The following FARS2 variants were observed in gnomAD, a reference collection of about 807,000 sequenced individuals.
The protein encoded by FARS2 is phenylalanyl-tRNA synthetase 2, mitochondrial, also known as phenylalanine--tRNA ligase, mitochondrial.
In FARS2, 40 loss-of-function variants were observed where a neutral mutation model predicts 46.4. The ratio of observed to expected loss-of-function variants is 0.86; its 90% confidence interval spans 0.67 to 1.12. The LOEUF (loss-of-function observed/expected upper bound fraction) is 1.12. FARS2 is among the 50% of genes most tolerant of loss of function. The pLI, the probability that FARS2 is intolerant of heterozygous loss-of-function variation, is 0.00. For synonymous variants in FARS2, 234 were observed against 214.9 expected, an observed-to-expected ratio of 1.09 and a Z score of -0.78; for missense variants, 513 against 567.9, an observed-to-expected ratio of 0.90 and a Z score of 0.98.
At chr6:5,546,629 C>G (rs1030092728) in intron 5 of FARS2, among the ~76,000 whole-genome samples, 24 of 151,924 alleles carry the variant, frequency 1.6e-4, no homozygotes, top group African/African-American at 5.6e-4. Flanking sequence ...CCATTTGATC[C>G]TATGCCATAG....
intron 2 of FARS2, among the ~76,000 whole-genome samples, chr6:5,385,144 C>G (rs1760035025): frequency 6.6e-6 from 1 of 152,130 alleles, no homozygotes; most frequent in South Asian, 2.1e-4. Flanking sequence ...AAACACAAGT[C>G]TTCCCGAATG....
At chr6:5,376,839 A>G (rs905691722) in intron 2 of FARS2, among the ~76,000 whole-genome samples, 5 of 152,136 alleles carry the variant, frequency 3.3e-5, no homozygotes, top group Non-Finnish European at 7.4e-5. Flanking sequence ...CACAAACACA[A>G]TTTTTCTTTA....
chr6:5,384,165 C>T (rs1386556536), intron 2 of FARS2, among the ~76,000 whole-genome samples: 1 of 152,164 alleles, frequency 6.6e-6, no homozygotes, highest in East Asian at 1.9e-4. Context: ...AATTTGTGTG[C>T]AGCTTCCTTG....
At chr6:5,610,885 A>G (rs1775142336) in intron 5 of FARS2, among the ~76,000 whole-genome samples, 1 of 152,226 alleles carries the variant, frequency 6.6e-6, no homozygotes, top group African/African-American at 2.4e-5. Context: ...GATGGAGGCA[A>G]CGCTCTGTGT....
chr6:5,607,350 T>C (rs1294471175), intron 5 of FARS2, among the ~76,000 whole-genome samples: 2 of 150,962 alleles, frequency 1.3e-5, no homozygotes, highest in South Asian at 2.1e-4. Context: ...AGAAGAGAAA[T>C]ACAATTTACT....
chr6:5,405,480 C>CTTTTTTTTTTTTTTTTTTTTTTTTTTTTT, intron 3 of FARS2, among the ~76,000 whole-genome samples: 1 of 58,952 alleles, frequency 1.7e-5, no homozygotes, highest in Non-Finnish European at 3.1e-5. Context: ...GAGCAAGGTT[C>CTTTTTTTTTTTTTTTTTTTTTTTTTTTTT]TTTTTTTTTT....
intron 4 of FARS2, among the ~76,000 whole-genome samples, chr6:5,494,376 G>A (rs577352879): frequency 4.6e-5 from 7 of 152,286 alleles, no homozygotes; most frequent in South Asian, 4.1e-4. Context: ...TCCTGTAGCC[G>A]CAGGACTGGA....
intron 4 of FARS2, 86 bp from the exon 5 acceptor site, chr6:5,545,094 G>C: frequency 7.7e-7 from 1 of 1,305,714 alleles, no homozygotes; most frequent in Non-Finnish European, 1.1e-6. Context: ...CATCTAATTA[G>C]TGTCACTGAT....
chr6:5,737,856 A>G lies in FARS2; in HGVS notation c.1218-33435A>G, dbSNP rs112041895. On this transcript the variant is annotated intron_variant, in intron 6 of 6. Transcript: ENST00000274680. ...CATGAAGACCGTGGCTTGCTTCCTAAGGATGGTGGGACAGAAAGAAGAGCC... is the reference window on the plus strand; with the variant it reads ...CATGAAGACCGTGGCTTGCTTCCTAGGGATGGTGGGACAGAAAGAAGAGCC... 5.0e-3 allele frequency among the ~76,000 whole-genome samples: 756 copies of G among 152,314 alleles called. 4 individuals carry two copies. Among genetic ancestry groups the G allele is most frequent in the African/African-American group, 0.017 (704 of 41,572 alleles).
chr6:5,490,574 C>T (rs148317508), intron 4 of FARS2, among the ~76,000 whole-genome samples: 336 of 152,356 alleles, frequency 2.2e-3, no homozygotes, highest in African/African-American at 7.7e-3. Flanking sequence ...AATACAGTCT[C>T]TTCCCATATT....
At chr6:5,306,312 G>T (rs1181646956) in intron 1 of FARS2, among the ~76,000 whole-genome samples, 1 of 152,140 alleles carries the variant, frequency 6.6e-6, no homozygotes, top group Non-Finnish European at 1.5e-5. Context: ...AGTGAATGTC[G>T]AATGAAATGA....
At chr6:5,603,222 A>C (rs1204514726) in intron 5 of FARS2, among the ~76,000 whole-genome samples, 1 of 152,148 alleles carries the variant, frequency 6.6e-6, no homozygotes, top group Admixed American at 6.5e-5. Flanking sequence ...CAGCCTCCCA[A>C]GAAGCTGGGA....
chr6:5,262,692 A>G (rs1765271742), intron 1 of FARS2, among the ~76,000 whole-genome samples: 1 of 152,200 alleles, frequency 6.6e-6, no homozygotes, highest in Admixed American at 6.5e-5. Context: ...TCCTGATGCA[A>G]TGACATTTTT....
chr6:5,470,245 A>C (rs902672033), intron 4 of FARS2, among the ~76,000 whole-genome samples: 1 of 152,260 alleles, frequency 6.6e-6, no homozygotes, highest in Non-Finnish European at 1.5e-5. Flanking sequence ...CAAGTAAAAA[A>C]CAATACAGTA....
chr6:5,764,559 G>A lies in FARS2; in HGVS notation c.1218-6732G>A, dbSNP rs931288066. Among the ~76,000 whole-genome samples, 1 of 152,182 alleles carries A rather than the reference G, an allele frequency of 6.6e-6. No homozygotes were observed. Among genetic ancestry groups the A allele is most frequent in the Admixed American group, 6.5e-5 (1 of 15,288 alleles). ...GTTTGTTACTCTGAAAATGGAAGCTGCCCCGTGACAGCATCTTCTCTCCCG... is the reference window on the plus strand; with the variant it reads ...GTTTGTTACTCTGAAAATGGAAGCTACCCCGTGACAGCATCTTCTCTCCCG... On this transcript the variant is annotated intron_variant, in intron 6 of 6. Coordinates refer to ENST00000274680, the MANE Select transcript of FARS2 (RefSeq NM_006567.5). This position sits in a 1 kb window ranked among gnomAD's most constrained non-coding sequence, Gnocchi z 4.1.
At chr6:5,718,859 G>A (rs931476606) in intron 6 of FARS2, among the ~76,000 whole-genome samples, 2 of 152,186 alleles carry the variant, frequency 1.3e-5, no homozygotes, top group African/African-American at 4.8e-5. Context: ...TTGCAAAACA[G>A]GGAAATGTTA....
chr6:5,468,714 A>G (rs1181059286), intron 4 of FARS2, among the ~76,000 whole-genome samples: 1 of 152,208 alleles, frequency 6.6e-6, no homozygotes, highest in East Asian at 1.9e-4. Context: ...TTTTCTAACA[A>G]TTAGCCGGTT....
rs1763049485 is a variant in FARS2 at position 5,771,516 on chromosome 6, C to G, written c.*87C>G. Reference sequence around the variant, plus strand: ...AGATATGGTTTGTGAACTGGGGCATCAATCATCTTTTGATAAATGGATCAG... The same window carrying G: ...AGATATGGTTTGTGAACTGGGGCATGAATCATCTTTTGATAAATGGATCAG... On this transcript the variant is annotated 3_prime_UTR_variant, in exon 7 of 7. Transcript: ENST00000274680. 1.1e-5 allele frequency: 16 copies of G among 1,392,852 alleles called. No homozygotes were observed. The highest frequency in any genetic ancestry group is 1.9e-4 in the Middle Eastern group (1 of 5,300). The allele number at this position is 1,392,852 out of a possible 1,614,324, so 86.3% of individuals were successfully genotyped here.
chr6:5,371,087 T>G, intron 2 of FARS2: 1 of 517,062 alleles, frequency 1.9e-6, no homozygotes, highest in Non-Finnish European at 2.5e-6. Flanking sequence ...TCATTGCCTG[T>G]TTTTCTGTAT....
Sources: allele counts gnomAD v4.1 joint callset (sites outside exome capture counted in the v4.1 genomes callset), GRCh38; gene constraint gnomAD v4.1.1; non-coding constraint Gnocchi (gnomAD v3.1); transcripts MANE v1.5; gene names NCBI Gene and HGNC (gene_info 2026-07-23, HGNC 2026-07-21).